The following ZBTB11 variants were observed in gnomAD, a reference collection of about 807,000 sequenced individuals.
ZBTB11 encodes zinc finger and BTB domain containing 11.
Under a neutral mutation model 113.1 loss-of-function variants are expected in ZBTB11, and 68 were observed. The ratio of observed to expected loss-of-function variants is 0.60; its 90% confidence interval spans 0.49 to 0.74. The LOEUF is 0.74. Among genes scored for constraint, ZBTB11 ranks in the 30% least tolerant of loss-of-function variants. The pLI, the probability that ZBTB11 is intolerant of heterozygous loss-of-function variation, is 0.00. For missense variants in ZBTB11, 1,104 were observed against 1,279.4 expected, an observed-to-expected ratio of 0.86 and a Z score of 2.09; for synonymous variants, 518 against 452.6, an observed-to-expected ratio of 1.14 and a Z score of -1.83.
At chr3:101,676,403 G>A (rs1455914301) in intron 1 of ZBTB11, 1 of 522,924 alleles carries the variant, frequency 1.9e-6, no homozygotes, top group Non-Finnish European at 3.1e-6. Flanking sequence ...GCCAGGGCCC[G>A]CCCCCAGCTT....
In ZBTB11 at chr3:101,652,528, C is replaced by T; in HGVS notation, c.2612G>A (p.Arg871Lys). 6.2e-7 allele frequency: 1 copy of T among 1,614,124 alleles called. No individual in the cohort carries two copies. The highest frequency in any genetic ancestry group is 8.5e-7 in the Non-Finnish European group (1 of 1,180,002). The part of the protein sequence containing the change: ...EKCGRKFTQL[R>K]EYRRHMNNHE... ...GTTGTTCATGTGTCTCCTATACTCT[C>T]TTAGCTGAGTGAATTTTCTTCCACA... The change falls in exon 10 of 11, where the codon AGA (arginine) becomes AAA (lysine). Residue 871 changes from arginine to lysine, a missense_variant. Arg to Lys is a conservative substitution (Grantham distance 26). Transcript: ENST00000312938.
chr3:101,660,578 T>C (rs1457449940), intron 5 of ZBTB11, among the ~76,000 whole-genome samples: 1 of 152,224 alleles, frequency 6.6e-6, no homozygotes, highest in Non-Finnish European at 1.5e-5. Flanking sequence ...TGTTTTTAAG[T>C]GCAGCTGTGC....
rs149703643 is a variant in ZBTB11, at chr3:101,651,568, G to A, written c.2760C>T (p.Ser920=). ...GERPYVCPVC[S]EAYIDARTLR... ...GTGTTCGAGCATCTATGTAGGCTTCGCTACATACAGGACAGACATAGGGCC... is the reference window on the plus strand; with the variant it reads ...GTGTTCGAGCATCTATGTAGGCTTCACTACATACAGGACAGACATAGGGCC... Residue 920 remains serine (S), a synonymous_variant, in exon 11 of 11, where the codon AGC becomes AGT. Transcript: ENST00000312938. 353 of 1,613,804 alleles carry A rather than the reference G, an allele frequency of 2.2e-4. 2 individuals are homozygous for A. Among genetic ancestry groups the A allele is most frequent in the East Asian group, 8.7e-4 (39 of 44,862 alleles).
intron 3 of ZBTB11, among the ~76,000 whole-genome samples, chr3:101,667,871 C>T (rs1229642145): frequency 1.3e-5 from 2 of 151,876 alleles, no homozygotes; most frequent in African/African-American, 4.8e-5. Flanking sequence ...GGGTATCTAC[C>T]CAAAGAAAAG....
chr3:101,674,825 T>C (rs527267590), intron 1 of ZBTB11, among the ~76,000 whole-genome samples: 1 of 151,822 alleles, frequency 6.6e-6, no homozygotes, highest in South Asian at 2.1e-4. Context: ...GATAATGAAC[T>C]TAGAAAAAGA....
chr3:101,662,440 C>G (rs1301867982), intron 5 of ZBTB11, among the ~76,000 whole-genome samples: 1 of 152,198 alleles, frequency 6.6e-6, no homozygotes, highest in African/African-American at 2.4e-5. Flanking sequence ...GCCTGACCAA[C>G]ATGGAGAAAC....
At position 101,652,497 on chromosome 3, in the gene ZBTB11, T is replaced by C. The variant is rs371446605; in HGVS notation, c.2643A>G (p.Glu881=). The C allele has an allele frequency of 5.2e-5, 84 of 1,613,748 alleles. No individual in the cohort carries two copies. The South Asian group carries it at 8.1e-4, about 16-fold the overall frequency. Residue 881 remains glutamate (E), a splice_region_variant and synonymous_variant, in exon 10 of 11, where the codon GAA becomes GAG. Transcript: ENST00000312938. The stretch of plus-strand genomic sequence containing the variant: ...ACATATAATATAAAGTATAGTTACC[T>C]TCATGGTTGTTCATGTGTCTCCTAT... The part of the protein sequence containing the change: ...REYRRHMNNH[E]GVKPFECLTC...
Position 101,676,826 on chromosome 3 carries a change from T to C in ZBTB11, c.89A>G (p.Lys30Arg), listed in dbSNP as rs1164460280. The change falls in exon 1 of 11, where the codon AAG becomes AGG. Residue 30 changes from lysine to arginine, a missense_variant. By Grantham distance (26) the Lys-to-Arg change is conservative. Around this residue, in one of 5 missense-constraint regions of ZBTB11, gnomAD observed 245 missense variants for 272.5 expected, o/e 0.90. Coordinates refer to ENST00000312938, the MANE Select transcript of ZBTB11 (RefSeq NM_014415.4). ...GGCGGCAGCTTTTCGGATTTTACGC[T>C]TGACATTGCCCTCGGTGCCCGGCGC... ...PYAPGTEGNV[K>R]RKIRKAAACY... 1 of 1,612,698 alleles carries C rather than the reference T, an allele frequency of 6.2e-7. No individual in the cohort carries two copies. The highest frequency in any genetic ancestry group is 8.5e-7 in the Non-Finnish European group (1 of 1,179,652).
intron 6 of ZBTB11, among the ~76,000 whole-genome samples, chr3:101,656,893 G>C (rs1389717188): frequency 6.6e-6 from 1 of 151,962 alleles, no homozygotes; most frequent in African/African-American, 2.4e-5. Flanking sequence ...CAGCACTTTG[G>C]GAGGCTGAGA....
intron 5 of ZBTB11, among the ~76,000 whole-genome samples, chr3:101,661,233 CAAA>C (rs36039635): frequency 2.1e-4 from 22 of 107,228 alleles, no homozygotes; most frequent in Admixed American, 4.2e-4. Flanking sequence ...GACCCTGTCT[CAAA>C]AAAAAAAAAA....
intron 8 of ZBTB11, 123 bp from the exon 9 acceptor site, chr3:101,653,061 C>T: frequency 9.7e-7 from 1 of 1,029,764 alleles, no homozygotes; most frequent in Non-Finnish European, 1.4e-6. Context: ...AAAAGAATTC[C>T]CTAATTTTCT....
In ZBTB11 at chr3:101,665,609, T is replaced by C; in HGVS notation, c.978A>G (p.Thr326=). The change falls in exon 4 of 11, where the codon ACA becomes ACG. Residue 326 remains threonine, a synonymous_variant. Coordinates refer to ENST00000312938, the MANE Select transcript of ZBTB11 (RefSeq NM_014415.4). ...LTVYKKGEVQ[T]VASTQDLRVQ... ...CTCGTAAGTCCTGGGTGGATGCAAC[T>C]GTTTGTACTTCGCCCTTCTTATATA... The C allele has an allele frequency of 1.2e-6, 2 of 1,614,256 alleles. No individual in the cohort carries two copies. The highest frequency in any genetic ancestry group is 8.5e-7 in the Non-Finnish European group (1 of 1,180,042).
Position 101,664,681 on chromosome 3 carries a change from T to C in ZBTB11, c.1657A>G (p.Met553Val), listed in dbSNP as rs1321245347. ...AQKLVQRGKKMKQPKRDAKEN... is the reference protein window; with the variant it reads ...AQKLVQRGKKVKQPKRDAKEN... ...TTAGCATCTCTTTTTGGCTGTTTCA[T>C]CTTTTTTCCTCTTTGAACTAACTTC... The change falls in exon 5 of 11, where the codon ATG (methionine) becomes GTG (valine). Residue 553 changes from methionine to valine, a missense_variant. Physicochemically the swap from Met to Val is conservative, Grantham distance 21. This residue lies in a region of ZBTB11 where 535 missense variants were observed against 518.6 expected (regional missense o/e 1.03). Transcript: ENST00000312938. 1.2e-6 allele frequency: 2 copies of C among 1,609,872 alleles called. No individual in the cohort carries two copies. Among genetic ancestry groups the C allele is most frequent in the African/African-American group, 1.3e-5 (1 of 74,618 alleles).
intron 5 of ZBTB11, chr3:101,662,279 T>G (rs1248839598): frequency 6.6e-6 from 1 of 151,958 alleles, no homozygotes; most frequent in East Asian, 1.9e-4. Flanking sequence ...AGTGTTGGAG[T>G]GTTGGGATTA....
Position 101,664,916 on chromosome 3 carries a change from T to C in ZBTB11, c.1623+48A>G, listed in dbSNP as rs766360634. On this transcript the variant is annotated intron_variant, in intron 4 of 10. Coordinates refer to ENST00000312938, the MANE Select transcript of ZBTB11 (RefSeq NM_014415.4). Reference sequence around the variant, plus strand: ...GCCATAAGTTCATCAATACAATGCTTTCAACCTAAAGCTAAAACTACAAAG... The same window carrying C: ...GCCATAAGTTCATCAATACAATGCTCTCAACCTAAAGCTAAAACTACAAAG... The C allele has an allele frequency of 3.8e-6, 6 of 1,558,896 alleles. No individual in the cohort carries two copies. In the South Asian group the frequency reaches 7.5e-5, roughly 19 times the overall value.
intron 3 of ZBTB11, among the ~76,000 whole-genome samples, chr3:101,668,322 G>T (rs1018253199): frequency 1.3e-5 from 2 of 152,100 alleles, no homozygotes; most frequent in Admixed American, 6.6e-5. Context: ...GTTAACAACA[G>T]TTTATGGTAT....
In ZBTB11 at chr3:101,676,722, C is replaced by A; in HGVS notation, c.193G>T (p.Val65Leu). 1 of 1,600,224 alleles carries A rather than the reference C, an allele frequency of 6.2e-7. No individual in the cohort carries two copies. The highest frequency in any genetic ancestry group is 8.5e-7 in the Non-Finnish European group (1 of 1,173,232). The change falls in exon 1 of 11, where the codon GTG (valine) becomes TTG (leucine). Residue 65 changes from valine (V) to leucine (L), a missense_variant. Coordinates refer to ENST00000312938, the MANE Select transcript of ZBTB11 (RefSeq NM_014415.4). ...HRKTFAELEVVLQPERRRDLI... is the reference protein window; with the variant it reads ...HRKTFAELEVLLQPERRRDLI... ...TCCCGGCGTCGCTCCGGCTGCAGCA[C>A]CACCTCCAGCTCCGCGAAGGTCTTG...
At position 101,650,502 on chromosome 3, in the gene ZBTB11, G is replaced by A. The variant is rs1476783531; in HGVS notation, c.*664C>T. ...CATTTTAATGGCATTTTAAAAATTA[G>A]CTATTCATTTATGGGTTCCTCATAT... On this transcript the variant is annotated 3_prime_UTR_variant, in exon 11 of 11. Coordinates refer to ENST00000312938, the MANE Select transcript of ZBTB11 (RefSeq NM_014415.4). 6.6e-6 allele frequency: 1 copy of A among 152,518 alleles called. No individual in the cohort carries two copies. The highest frequency in any genetic ancestry group is 2.4e-5 in the African/African-American group (1 of 41,424). The allele number at this position is 152,518 out of a possible 1,614,324, so 9.4% of individuals were successfully genotyped here.
intron 6 of ZBTB11, among the ~76,000 whole-genome samples, chr3:101,657,490 G>C (rs1270351206): frequency 6.6e-6 from 1 of 151,014 alleles, no homozygotes; most frequent in African/African-American, 2.4e-5. Flanking sequence ...TGCGGAAACA[G>C]AGTGAGACCC....
Sources: gnomAD v4.1 joint callset for allele counts (sites outside exome capture counted in the v4.1 genomes callset) on GRCh38, gnomAD v4.1.1 for gene constraint, gnomAD v4.1.1 regional missense constraint, MANE v1.5 for transcripts, NCBI Gene and HGNC (gene_info 2026-07-23, HGNC 2026-07-21) for gene names.